ITPA: variants seen among roughly 807,000 people sequenced by gnomAD.
ITPA encodes the protein inosine triphosphatase.
ITPA carries 29 observed loss-of-function variants against 29.6 expected under a neutral mutation model. The observed-to-expected ratio is 0.98, with a 90% CI of 0.73 to 1.34. The LOEUF (loss-of-function observed/expected upper bound fraction) is 1.34. ITPA is among the 40% of genes most tolerant of loss of function. The pLI, the probability that ITPA is intolerant of heterozygous loss-of-function variation, is 0.00. For missense variants in ITPA, 241 were observed against 251.5 expected, an observed-to-expected ratio of 0.96 and a Z score of 0.28; for synonymous variants, 103 against 99.3, an observed-to-expected ratio of 1.04 and a Z score of -0.22.
At chr20:3,220,440 G>A (rs2067433126) in intron 6 of ITPA, among the ~76,000 whole-genome samples, 1 of 152,072 alleles carries the variant, frequency 6.6e-6, no homozygotes, top group African/African-American at 2.4e-5. Context: ...ACTGGCCTTA[G>A]TCACGCAGCT....
chr20:3,216,092 G>A (rs563708956), intron 5 of ITPA, among the ~76,000 whole-genome samples: 5 of 151,896 alleles, frequency 3.3e-5, no homozygotes, highest in Admixed American at 6.6e-5. Context: ...CCTGGTTCAA[G>A]CGATCCTCCT....
chr20:3,214,273 G>A (rs1185078087), intron 4 of ITPA, among the ~76,000 whole-genome samples: 3 of 151,996 alleles, frequency 2.0e-5, no homozygotes, highest in Non-Finnish European at 4.4e-5. Context: ...GGGACCCCAC[G>A]CATTTGAGAA....
At chr20:3,204,655 C>G, upstream of ITPA, 1 of 1,555,758 alleles carries the variant, frequency 6.4e-7, no homozygotes, top group Non-Finnish European at 8.7e-7. Flanking sequence ...AGAACCACTG[C>G]GTCCACCCTG....
chr20:3,214,185 G>T (rs148739327), intron 4 of ITPA, 127 bp downstream of exon 4: 3 of 820,796 alleles, frequency 3.7e-6, no homozygotes, highest in African/African-American at 1.7e-5. Context: ...ACGTTGTCCC[G>T]AGGAAAGACG....
chr20:3,209,156 G>A (rs2067113623), upstream of ITPA: 3 of 323,734 alleles, frequency 9.3e-6, no homozygotes, highest in South Asian at 7.7e-5. The surrounding 1 kb of genome is among the most constrained non-coding windows in gnomAD (Gnocchi z 4.6). Flanking sequence ...TGCCTAGAAG[G>A]AGGCAGTTTT....
At chr20:3,209,431 C>T, upstream of ITPA, 1 of 919,380 alleles carries the variant, frequency 1.1e-6, no homozygotes, top group Non-Finnish European at 1.8e-6. This position sits in a 1 kb window ranked among gnomAD's most constrained non-coding sequence, Gnocchi z 4.6. Context: ...GGGTCCGGGT[C>T]GGCTTTCCCC....
chr20:3,226,081 C>T (rs577013051), downstream of ITPA, among the ~76,000 whole-genome samples: 8 of 152,284 alleles, frequency 5.3e-5, no homozygotes, highest in South Asian at 8.3e-4. The surrounding 1 kb of genome is among the most constrained non-coding windows in gnomAD (Gnocchi z 4.4). Flanking sequence ...TTGTGAACCA[C>T]TCTAGCAAAT....
intron 5 of ITPA, among the ~76,000 whole-genome samples, chr20:3,216,298 T>C (rs2067297216): frequency 6.6e-6 from 1 of 151,248 alleles, no homozygotes; most frequent in Non-Finnish European, 1.5e-5. Context: ...TAGCTGGGAC[T>C]ACAGGCACGT....
chr20:3,215,663 C>G (rs1275754171), intron 5 of ITPA, among the ~76,000 whole-genome samples: 1 of 152,194 alleles, frequency 6.6e-6, no homozygotes, highest in Non-Finnish European at 1.5e-5. Flanking sequence ...CCCACAGTTG[C>G]AAGCCAAAAT....
At chr20:3,225,985 C>T (rs557092604), downstream of ITPA, among the ~76,000 whole-genome samples, 13 of 152,322 alleles carry the variant, frequency 8.5e-5, no homozygotes, top group Admixed American at 5.9e-4. Flanking sequence ...GCCGAGATCA[C>T]GCCCTTGCAC....
rs1467169385 is a variant in ITPA at position 3,209,635 on chromosome 20, G to T, written c.66+18G>T. On this transcript the variant is annotated intron_variant, in intron 1 of 7. Transcript: ENST00000380113. This position sits in a 1 kb window ranked among gnomAD's most constrained non-coding sequence, Gnocchi z 4.6. The stretch of plus-strand genomic sequence containing the variant: ...TGGAGGAGGTGCCGGGAGGGTGTTG[G>T]GGGCTAACTGGGAGGCGGCTGGGAA... 6.2e-7 allele frequency: 1 copy of T among 1,611,356 alleles called. No homozygotes were observed. Among genetic ancestry groups the T allele is most frequent in the Non-Finnish European group, 8.5e-7 (1 of 1,177,800 alleles).
intron 6 of ITPA, among the ~76,000 whole-genome samples, chr20:3,220,044 A>C (rs2067420984): frequency 1.6e-5 from 1 of 62,336 alleles, no homozygotes; most frequent in African/African-American, 8.7e-5. Flanking sequence ...ACCCAGTCTC[A>C]AAAAAAAAAA....
At chr20:3,215,419 C>T in intron 5 of ITPA, 107 bp downstream of exon 5, 2 of 969,568 alleles carry the variant, frequency 2.1e-6, no homozygotes, top group Non-Finnish European at 3.3e-6. Context: ...TTCTAGCCCC[C>T]ACCATGGAGC....
upstream of ITPA, chr20:3,209,427 G>C: frequency 2.3e-6 from 2 of 888,232 alleles, no homozygotes; most frequent in Non-Finnish European, 1.8e-6. The surrounding 1 kb of genome is among the most constrained non-coding windows in gnomAD (Gnocchi z 4.6). Context: ...CTTGGGGTCC[G>C]GGTCGGCTTT....
chr20:3,224,252 G>C (rs2067534799), downstream of ITPA, among the ~76,000 whole-genome samples: 1 of 152,236 alleles, frequency 6.6e-6, no homozygotes, highest in Admixed American at 6.5e-5. Flanking sequence ...ACCCCACTCG[G>C]CGTGATCGCC....
At position 3,223,650 on chromosome 20, in the gene ITPA, C is replaced by T. The variant is rs924622016; in HGVS notation, c.*188C>T. 1.8e-5 allele frequency: 11 copies of T among 625,528 alleles called. No individual in the cohort carries two copies. The highest frequency in any genetic ancestry group is 2.9e-5 in the Non-Finnish European group (10 of 346,538). 38.7% of individuals were successfully genotyped at this position (625,528 alleles called of 1,614,324 possible). A position where few individuals can be genotyped will look rare whatever the true frequency, so the allele number is the denominator to read the frequency against. On this transcript the variant is annotated 3_prime_UTR_variant, in exon 8 of 8. Transcript: ENST00000380113. ...GCTCTGAGAAACTCTGGCAAGTGGA[C>T]GCCATTCTCTTGCCCTTAGGATTCA...
At chr20:3,204,864 T>C (rs920172781), upstream of ITPA, among the ~76,000 whole-genome samples, 5 of 152,064 alleles carry the variant, frequency 3.3e-5, no homozygotes, top group African/African-American at 1.2e-4. Context: ...ATGTATGTTT[T>C]TTTTTTTTGA....
upstream of ITPA, chr20:3,209,483 A>T (rs1376591661): frequency 3.5e-6 from 5 of 1,418,806 alleles, no homozygotes; most frequent in East Asian, 9.2e-5. This position sits in a 1 kb window ranked among gnomAD's most constrained non-coding sequence, Gnocchi z 4.6. Context: ...TTCCGCCACC[A>T]GCCGGAAGTT....
chr20:3,217,418 C>G (rs2067332552), intron 5 of ITPA, among the ~76,000 whole-genome samples: 1 of 152,080 alleles, frequency 6.6e-6, no homozygotes, highest in Non-Finnish European at 1.5e-5. Context: ...TAAGGCAAAT[C>G]ACAGACATCA....
Sources: gnomAD v4.1 joint callset for allele counts (sites outside exome capture counted in the v4.1 genomes callset) on GRCh38, gnomAD v4.1.1 for gene constraint, Gnocchi (gnomAD v3.1) non-coding constraint, MANE v1.5 for transcripts, NCBI Gene and HGNC (gene_info 2026-07-23, HGNC 2026-07-21) for gene names.